The following DPF3 variants were observed in gnomAD, a reference collection of about 807,000 sequenced individuals.
The protein encoded by DPF3 is zinc finger protein DPF3.
In DPF3, 18 loss-of-function variants were observed where a neutral mutation model predicts 56.8. That is an observed-to-expected ratio of 0.32 (90% CI 0.22 to 0.47). The LOEUF (loss-of-function observed/expected upper bound fraction) is 0.47. Among genes scored for constraint, DPF3 ranks in the 20% least tolerant of loss-of-function variants. The pLI is 1.00. For synonymous variants in DPF3, 188 were observed against 180.2 expected (o/e 1.04, Z -0.35); for missense variants, 403 against 488.8 (o/e 0.82, Z 1.65).
intron 1 of DPF3, among the ~76,000 whole-genome samples, chr14:72,857,648 G>A (rs1036064305): frequency 3.9e-5 from 6 of 152,050 alleles, no homozygotes; most frequent in Non-Finnish European, 8.8e-5. Context: ...GTGCAGGGGC[G>A]CAATCTCGGC....
intron 6 of DPF3, among the ~76,000 whole-genome samples, chr14:72,703,476 T>C (rs543333230): frequency 1.3e-5 from 2 of 151,894 alleles, no homozygotes; most frequent in East Asian, 3.9e-4. Context: ...TTTCAAAATA[T>C]TCTATCACCT....
At chr14:72,636,110 G>A (rs1046888468) in intron 8 of DPF3, among the ~76,000 whole-genome samples, 1 of 152,058 alleles carries the variant, frequency 6.6e-6, no homozygotes, top group African/African-American at 2.4e-5. Flanking sequence ...CTGATGCTTG[G>A]TTTACAGAAA....
Position 72,872,928 on chromosome 14 carries a change from G to A in DPF3, c.32+21129C>T, listed in dbSNP as rs375357864. On this transcript the variant is annotated intron_variant, in intron 1 of 10. Coordinates refer to ENST00000556509, the MANE Select transcript of DPF3 (RefSeq NM_001280542.3). ...CCTTATACTAAAATTAATTCAAGAT[G>A]GATTAAAGATTTAAATGTTAGACCT... is the stretch of plus-strand genomic sequence containing the variant. Among the ~76,000 whole-genome samples, 159 of 152,224 alleles carry A rather than the reference G, an allele frequency of 1.0e-3. 3 individuals carry two copies. In the East Asian group the frequency reaches 0.029, roughly 27 times the overall value.
intron 8 of DPF3, among the ~76,000 whole-genome samples, chr14:72,666,795 C>G (rs1213355799): frequency 6.6e-6 from 1 of 152,182 alleles, no homozygotes; most frequent in Non-Finnish European, 1.5e-5. Flanking sequence ...ACACCTCACT[C>G]AGAAAATACA....
chr14:72,612,089 C>T lies in DPF3; in HGVS notation c.*7208G>A, dbSNP rs1161769606. ...ATTTAGCCAGTAACAGCCTGCCCTGCAATGATTCATGGCAGGCAAAAGATG... is the reference window on the plus strand; with the variant it reads ...ATTTAGCCAGTAACAGCCTGCCCTGTAATGATTCATGGCAGGCAAAAGATG... On this transcript the variant is annotated 3_prime_UTR_variant, in exon 11 of 11. Coordinates refer to ENST00000556509, the MANE Select transcript of DPF3 (RefSeq NM_001280542.3). 6.6e-6 allele frequency among the ~76,000 whole-genome samples: 1 copy of T among 152,144 alleles called. No homozygotes were observed. The highest frequency in any genetic ancestry group is 1.5e-5 in the Non-Finnish European group (1 of 68,030).
At chr14:72,823,239 A>T (rs1313245420) in intron 1 of DPF3, among the ~76,000 whole-genome samples, 1 of 152,178 alleles carries the variant, frequency 6.6e-6, no homozygotes, top group Non-Finnish European at 1.5e-5. Context: ...TCTCCAAGGG[A>T]TGTCCCTAAT....
intron 1 of DPF3, chr14:72,892,686 C>T: frequency 9.8e-7 from 1 of 1,024,794 alleles, no homozygotes; most frequent in Non-Finnish European, 1.2e-6. Flanking sequence ...ACAGCGGCCA[C>T]GCACCAGGGA....
intron 7 of DPF3, among the ~76,000 whole-genome samples, chr14:72,683,968 A>G (rs935913872): frequency 5.9e-5 from 9 of 152,166 alleles, no homozygotes; most frequent in African/African-American, 2.2e-4. Context: ...GACCCACAAG[A>G]TGAGGAGTTT....
intron 1 of DPF3, among the ~76,000 whole-genome samples, chr14:72,779,809 C>T (rs1567230434): frequency 1.3e-5 from 2 of 152,264 alleles, no homozygotes; most frequent in South Asian, 4.1e-4. Context: ...CTGATACCCA[C>T]CATGTGATGC....
At chr14:72,875,153 C>A (rs1886063978) in intron 1 of DPF3, among the ~76,000 whole-genome samples, 1 of 152,208 alleles carries the variant, frequency 6.6e-6, no homozygotes, top group Admixed American at 6.5e-5. Context: ...TCAATTACCT[C>A]CCCATGGGTC....
intron 8 of DPF3, among the ~76,000 whole-genome samples, chr14:72,654,036 A>C (rs1885995269): frequency 6.6e-6 from 1 of 152,194 alleles, no homozygotes; most frequent in African/African-American, 2.4e-5. Flanking sequence ...AACTCCTTAC[A>C]TGCCCAGTTC....
chr14:72,623,991 G>A (rs1421612939), intron 9 of DPF3, among the ~76,000 whole-genome samples: 1 of 152,164 alleles, frequency 6.6e-6, no homozygotes, highest in Non-Finnish European at 1.5e-5. Context: ...ACCTGAATAT[G>A]TTACCACTGG....
intron 6 of DPF3, among the ~76,000 whole-genome samples, chr14:72,698,128 G>A (rs977305018): frequency 1.3e-5 from 2 of 152,134 alleles, no homozygotes; most frequent in Admixed American, 1.3e-4. Flanking sequence ...TACAACCTTA[G>A]TTTTTTGCCT....
chr14:72,795,250 G>T (rs2065640624), intron 1 of DPF3, among the ~76,000 whole-genome samples: 1 of 139,506 alleles, frequency 7.2e-6, no homozygotes, highest in African/African-American at 2.7e-5. Context: ...CCTAAGCCCA[G>T]GAATATTGAA....
rs938266574 is a variant in DPF3, at chr14:72,617,618, C to T, written c.*1679G>A. Among the ~76,000 whole-genome samples, 1 of 152,186 alleles carries T rather than the reference C, an allele frequency of 6.6e-6. No homozygotes were observed. Among genetic ancestry groups the T allele is most frequent in the African/African-American group, 2.4e-5 (1 of 41,438 alleles). Reference sequence around the variant, plus strand: ...GTGACCCCCATCGCTTGCCACAGGTCACTCTGCTGAAGCGTGGGGGAGACC... The same window carrying T: ...GTGACCCCCATCGCTTGCCACAGGTTACTCTGCTGAAGCGTGGGGGAGACC... On this transcript the variant is annotated 3_prime_UTR_variant, in exon 11 of 11. Coordinates refer to ENST00000556509, the MANE Select transcript of DPF3 (RefSeq NM_001280542.3).
chr14:72,850,097 C>T (rs994193533), intron 1 of DPF3, among the ~76,000 whole-genome samples: 16 of 151,840 alleles, frequency 1.1e-4, no homozygotes, highest in South Asian at 4.2e-4. Context: ...CCTGCCTAGG[C>T]GACAGAGAGA....
At chr14:72,662,586 AATCTTCTTATTGCAC>A (rs1253277959) in intron 8 of DPF3, 7 of 985,252 alleles carry the variant, frequency 7.1e-6, no homozygotes, top group Non-Finnish European at 8.4e-6. Context: ...AGAAAAAAAA[AATCTTCTTATTGCAC>A]AAACTGAGGC....
At chr14:72,657,523 A>G (rs1257505794) in intron 8 of DPF3, among the ~76,000 whole-genome samples, 2 of 152,178 alleles carry the variant, frequency 1.3e-5, no homozygotes, top group African/African-American at 4.8e-5. Flanking sequence ...GCATTTGGCC[A>G]TGAAATAGTT....
chr14:72,765,750 A>T (rs1342576317), intron 2 of DPF3, among the ~76,000 whole-genome samples: 1 of 152,212 alleles, frequency 6.6e-6, no homozygotes, highest in Non-Finnish European at 1.5e-5. Context: ...GATCGAGACC[A>T]TCCTGGCTAA....
Sources: gnomAD v4.1 joint callset for allele counts (sites outside exome capture counted in the v4.1 genomes callset) on GRCh38, gnomAD v4.1.1 for gene constraint, MANE v1.5 for transcripts, NCBI Gene and HGNC (gene_info 2026-07-23, HGNC 2026-07-21) for gene names.